The following PTPRN2 variants were observed in gnomAD, a reference collection of about 807,000 sequenced individuals.
PTPRN2 encodes the protein protein tyrosine phosphatase receptor type N2, also known as receptor-type tyrosine-protein phosphatase N2.
In PTPRN2, 74 loss-of-function variants were observed where a neutral mutation model predicts 118.8. That is an observed-to-expected ratio of 0.62 (90% CI 0.52 to 0.76). The LOEUF is 0.76. Among genes scored for constraint, PTPRN2 ranks in the 30% least tolerant of loss-of-function variants. PTPRN2 has a pLI of 0.00. For missense variants in PTPRN2, 1,481 were observed against 1,394.4 expected (o/e 1.06, Z -0.99); for synonymous variants, 641 against 608.0 (o/e 1.05, Z -0.80).
chr7:158,368,950 T>C (rs879617073), intron 2 of PTPRN2, among the ~76,000 whole-genome samples: 1 of 152,118 alleles, frequency 6.6e-6, no homozygotes, highest in Admixed American at 6.5e-5. Flanking sequence ...TGTGAGGGCG[T>C]TGCCGAAGGA....
chr7:157,684,865 G>A (rs1247454814), intron 12 of PTPRN2, among the ~76,000 whole-genome samples: 1 of 152,032 alleles, frequency 6.6e-6, no homozygotes, highest in Non-Finnish European at 1.5e-5. Context: ...CTGGGCCGGC[G>A]CGAGGGACCC....
intron 11 of PTPRN2, among the ~76,000 whole-genome samples, chr7:158,004,967 C>T (rs1465949351): frequency 2.0e-5 from 3 of 152,154 alleles, no homozygotes; most frequent in Admixed American, 6.5e-5. Context: ...AAGATGGAAG[C>T]GGGAGAAACA....
At chr7:158,266,621 A>G (rs1314827854) in intron 3 of PTPRN2, among the ~76,000 whole-genome samples, 1 of 152,204 alleles carries the variant, frequency 6.6e-6, no homozygotes, top group Non-Finnish European at 1.5e-5. Flanking sequence ...AGCCTGACAG[A>G]GGGACCCAGC....
At chr7:157,638,521 C>T (rs1804462936) in intron 14 of PTPRN2, among the ~76,000 whole-genome samples, 1 of 152,212 alleles carries the variant, frequency 6.6e-6, no homozygotes, top group Non-Finnish European at 1.5e-5. Flanking sequence ...ACTCCTCTTC[C>T]AATTGCTTTG....
chr7:158,320,240 T>C (rs1420183281), intron 2 of PTPRN2, among the ~76,000 whole-genome samples: 1 of 151,206 alleles, frequency 6.6e-6, no homozygotes, highest in Non-Finnish European at 1.5e-5. Flanking sequence ...CACAGGGTAT[T>C]TGCAGATATT....
At chr7:157,659,949 T>C (rs1447153117) in intron 13 of PTPRN2, among the ~76,000 whole-genome samples, 1 of 152,088 alleles carries the variant, frequency 6.6e-6, no homozygotes, top group Non-Finnish European at 1.5e-5. Context: ...TTCACCATAT[T>C]GGCCAGGCTG....
intron 1 of PTPRN2, among the ~76,000 whole-genome samples, chr7:158,559,003 G>A (rs1186856289): frequency 6.6e-6 from 1 of 152,112 alleles, no homozygotes; most frequent in Admixed American, 6.5e-5. Flanking sequence ...CCACACTGGG[G>A]GGTCCAGAGG....
intron 11 of PTPRN2, among the ~76,000 whole-genome samples, chr7:157,989,367 C>T (rs759071025): frequency 5.3e-5 from 8 of 151,926 alleles, no homozygotes; most frequent in Non-Finnish European, 1.0e-4. Context: ...TGCAGTGAGC[C>T]GAGATTGCAC....
chr7:158,566,948 A>G (rs1827706203), intron 1 of PTPRN2, among the ~76,000 whole-genome samples: 1 of 152,182 alleles, frequency 6.6e-6, no homozygotes, highest in African/African-American at 2.4e-5. Context: ...TCCTGACCTC[A>G]AGTGATCCAC....
rs1013863124 is a variant in PTPRN2, at chr7:158,003,275, G to A, written c.1723+78023C>T. The stretch of plus-strand genomic sequence containing the variant: ...TAAAAATACAAAAAATTAGCCGGGC[G>A]TGTTGGCGGGCGCCTGTAGTCCCAG... On this transcript the variant is annotated intron_variant, in intron 11 of 22. Transcript: ENST00000389418. This position sits in a 1 kb window ranked among gnomAD's most constrained non-coding sequence, Gnocchi z 5.0. Among the ~76,000 whole-genome samples, 17 of 151,914 alleles carry A rather than the reference G, an allele frequency of 1.1e-4. 1 individual carries two copies. Among genetic ancestry groups the A allele is most frequent in the Admixed American group, 9.2e-4 (14 of 15,256 alleles).
At chr7:158,085,065 C>T (rs1470186629) in intron 10 of PTPRN2, among the ~76,000 whole-genome samples, 15 of 134,932 alleles carry the variant, frequency 1.1e-4, no homozygotes, top group South Asian at 2.5e-4. Flanking sequence ...ACACCCATGA[C>T]GCCCATCCAC....
intron 1 of PTPRN2, among the ~76,000 whole-genome samples, chr7:158,569,113 C>A (rs1394447604): frequency 6.6e-6 from 1 of 152,174 alleles, no homozygotes; most frequent in Non-Finnish European, 1.5e-5. Context: ...GGCGACAGAG[C>A]AAGAATGTGT....
chr7:158,103,509 C>A (rs1442715193), intron 10 of PTPRN2, among the ~76,000 whole-genome samples: 1 of 152,248 alleles, frequency 6.6e-6, no homozygotes, highest in Non-Finnish European at 1.5e-5. Context: ...GCAGGGCCCA[C>A]TCTCTGGGCC....
In PTPRN2 at chr7:158,181,615, G is replaced by A. The variant is rs571861080; in HGVS notation, c.549+10712C>T. Among the ~76,000 whole-genome samples, 44 of 152,180 alleles carry A rather than the reference G, an allele frequency of 2.9e-4. No homozygotes were observed. In the South Asian group the frequency reaches 8.1e-3, roughly 28 times the overall value. ...TTTAAGTTACTGATTCAATCTCACT[G>A]CTTGTTATTAGTCTGTTCAGGGTTT... On this transcript the variant is annotated intron_variant, in intron 5 of 22. Transcript: ENST00000389418.
chr7:158,495,751 G>A (rs962512056), intron 1 of PTPRN2, among the ~76,000 whole-genome samples: 7 of 152,152 alleles, frequency 4.6e-5, no homozygotes, highest in African/African-American at 1.7e-4. Context: ...AGATTAAAGC[G>A]CCTCAGCCCG....
At chr7:158,079,883 C>T (rs993584996) in intron 11 of PTPRN2, among the ~76,000 whole-genome samples, 3 of 152,250 alleles carry the variant, frequency 2.0e-5, no homozygotes, top group South Asian at 2.1e-4. Context: ...GCTGCTTTTC[C>T]GAGTTGTACC....
intron 19 of PTPRN2, among the ~76,000 whole-genome samples, chr7:157,573,102 G>A (rs996868740): frequency 6.6e-6 from 1 of 152,232 alleles, no homozygotes; most frequent in Non-Finnish European, 1.5e-5. Flanking sequence ...AGGCTGTAAA[G>A]CATCGAGGGC....
chr7:158,167,427 T>A, intron 5 of PTPRN2, 136 bp from the exon 6 acceptor site: 1 of 1,197,142 alleles, frequency 8.4e-7, no homozygotes, highest in Non-Finnish European at 1.1e-6. Context: ...GGTCTCAGGT[T>A]CAAGGTCCTA....
At chr7:158,264,517 A>C (rs375516422) in intron 3 of PTPRN2, among the ~76,000 whole-genome samples, 180 of 152,248 alleles carry the variant, frequency 1.2e-3, no homozygotes, top group African/African-American at 4.1e-3. Context: ...CATGGGCCAC[A>C]CGTGACATGT....
Sources: gnomAD v4.1 joint callset for allele counts (sites outside exome capture counted in the v4.1 genomes callset) on GRCh38, gnomAD v4.1.1 for gene constraint, Gnocchi (gnomAD v3.1) non-coding constraint, MANE v1.5 for transcripts, NCBI Gene and HGNC (gene_info 2026-07-23, HGNC 2026-07-21) for gene names.